The following GRM7 variants were observed in gnomAD, a reference collection of about 807,000 sequenced individuals.
The protein encoded by GRM7 is metabotropic glutamate receptor 7.
A neutral mutation model predicts 84.5 loss-of-function variants in GRM7; 35 were observed. The ratio of observed to expected loss-of-function variants is 0.41; its 90% CI spans 0.32 to 0.55. The LOEUF (loss-of-function observed/expected upper bound fraction) is 0.55. GRM7 is among the 20% of genes least tolerant of loss of function. The pLI is 0.19. For missense variants in GRM7, 1,003 were observed against 1,194.6 expected, an observed-to-expected ratio of 0.84 and a Z score of 2.36; for synonymous variants, 487 against 455.1, an observed-to-expected ratio of 1.07 and a Z score of -0.89.
chr3:7,122,371 A>T (rs1043884326), intron 1 of GRM7, among the ~76,000 whole-genome samples: 1 of 152,216 alleles, frequency 6.6e-6, no homozygotes. Flanking sequence ...TTAAATAATG[A>T]TTGAAAATGT....
intron 9 of GRM7, among the ~76,000 whole-genome samples, chr3:7,731,738 C>T (rs1702339407): frequency 6.6e-6 from 1 of 152,180 alleles, no homozygotes; most frequent in South Asian, 2.1e-4. Context: ...AATAACACCA[C>T]AATTGTAGAC....
At chr3:7,636,524 A>C (rs1176588180) in intron 8 of GRM7, 3 of 221,426 alleles carry the variant, frequency 1.4e-5, no homozygotes, top group Non-Finnish European at 2.8e-5. Flanking sequence ...ATTAGTCTAC[A>C]TAAGGAAAGT....
chr3:7,490,045 A>T (rs1699464799), intron 7 of GRM7, among the ~76,000 whole-genome samples: 1 of 152,018 alleles, frequency 6.6e-6, no homozygotes, highest in Admixed American at 6.6e-5. Context: ...AATCCATCCT[A>T]ACTAAAAATT....
At chr3:7,415,396 T>C (rs563554782) in intron 5 of GRM7, among the ~76,000 whole-genome samples, 39 of 152,298 alleles carry the variant, frequency 2.6e-4, no homozygotes, top group African/African-American at 8.9e-4. Flanking sequence ...CAGTGATTCT[T>C]TGAATTCAGA....
intron 1 of GRM7, among the ~76,000 whole-genome samples, chr3:6,889,340 T>C (rs942764973): frequency 3.9e-5 from 6 of 152,106 alleles, no homozygotes; most frequent in Non-Finnish European, 5.9e-5. Context: ...CCAGTTTTCG[T>C]CCATTCAGTA....
intron 8 of GRM7, among the ~76,000 whole-genome samples, chr3:7,633,741 G>A (rs141989689): frequency 1.4e-4 from 21 of 151,950 alleles, no homozygotes; most frequent in Non-Finnish European, 2.5e-4. Context: ...TTCCTTCCCC[G>A]CAATGCATTA....
In GRM7 at chr3:7,449,047, T is replaced by C. The variant is rs148795871; in HGVS notation, c.1175-3560T>C. Reference sequence around the variant, plus strand: ...GAATAGCCTTAAAAAATAAATATAGTAAAATGGTAATGTTAGAATTTAGTT... The same window carrying C: ...GAATAGCCTTAAAAAATAAATATAGCAAAATGGTAATGTTAGAATTTAGTT... On this transcript the variant is annotated intron_variant, in intron 5 of 9. Transcript: ENST00000357716. Among the ~76,000 whole-genome samples, 973 of 152,172 alleles carry C rather than the reference T, an allele frequency of 6.4e-3. 7 individuals are homozygous for C. The highest frequency in any genetic ancestry group is 0.012 in the Non-Finnish European group (803 of 67,970).
chr3:7,398,886 C>T (rs577896347), intron 4 of GRM7, among the ~76,000 whole-genome samples: 3 of 152,160 alleles, frequency 2.0e-5, no homozygotes, highest in Non-Finnish European at 4.4e-5. Context: ...ACCTTCCTCC[C>T]TCTTTCTACT....
chr3:7,031,281 T>G lies in GRM7; in HGVS notation c.520-115171T>G, dbSNP rs1027809300. Among the ~76,000 whole-genome samples the G allele has an allele frequency of 3.0e-4, 46 of 152,164 alleles. 1 individual carries two copies. The highest frequency in any genetic ancestry group is 4.9e-4 in the Non-Finnish European group (33 of 68,018). The stretch of plus-strand genomic sequence containing the variant: ...CACACCTAAAATTCCCTTGAAATGC[T>G]CTTTTGTGGGCTTAGGATGCATTTC... On this transcript the variant is annotated intron_variant, in intron 1 of 9. Coordinates refer to ENST00000357716, the MANE Select transcript of GRM7 (RefSeq NM_000844.4).
At chr3:7,239,826 A>G (rs970990857) in intron 2 of GRM7, among the ~76,000 whole-genome samples, 1 of 152,156 alleles carries the variant, frequency 6.6e-6, no homozygotes. Context: ...TTTTCTATCA[A>G]GGCTTTGATT....
intron 4 of GRM7, among the ~76,000 whole-genome samples, chr3:7,321,753 T>C (rs180711018): frequency 0.013 from 1,940 of 150,118 alleles, 49 homozygotes; most frequent in African/African-American, 0.042. Context: ...GTCTGATGTT[T>C]TAAAAAAAGT....
intron 7 of GRM7, among the ~76,000 whole-genome samples, chr3:7,485,320 G>A (rs1323461286): frequency 6.6e-6 from 1 of 152,118 alleles, no homozygotes; most frequent in Non-Finnish European, 1.5e-5. Flanking sequence ...ACACTCAGGA[G>A]AATTAGAGCT....
chr3:7,044,358 G>A (rs1696729722), intron 1 of GRM7, among the ~76,000 whole-genome samples: 2 of 152,114 alleles, frequency 1.3e-5, no homozygotes, highest in South Asian at 2.1e-4. Context: ...TTAAAAATAT[G>A]GATTGAAGGA....
chr3:6,862,505 G>T lies in GRM7; in HGVS notation c.519+598G>T, dbSNP rs1025558477. ...GCCAGCCTCCGCGAGAGCCCAGGGC[G>T]CGAGGTGCTGGGACCTTCCTCAGGT... is the stretch of plus-strand genomic sequence containing the variant. On this transcript the variant is annotated intron_variant, in intron 1 of 9. Transcript: ENST00000357716. This position sits in a 1 kb window ranked among gnomAD's most constrained non-coding sequence, Gnocchi z 5.2. Among the ~76,000 whole-genome samples, 1 of 152,186 alleles carries T rather than the reference G, an allele frequency of 6.6e-6. No homozygotes were observed. The highest frequency in any genetic ancestry group is 1.5e-5 in the Non-Finnish European group (1 of 68,044).
intron 1 of GRM7, among the ~76,000 whole-genome samples, chr3:7,070,597 T>C (rs1471272973): frequency 6.6e-6 from 1 of 151,996 alleles, no homozygotes; most frequent in Non-Finnish European, 1.5e-5. Flanking sequence ...CGGATGACAA[T>C]TTTTTTTAAA....
chr3:7,318,229 A>T (rs565242166), intron 4 of GRM7, among the ~76,000 whole-genome samples: 1 of 151,922 alleles, frequency 6.6e-6, no homozygotes, highest in East Asian at 1.9e-4. Flanking sequence ...ACAAGAAAAC[A>T]GTTTTTATCT....
At chr3:7,648,223 A>G (rs1197610825) in intron 8 of GRM7, among the ~76,000 whole-genome samples, 1 of 150,838 alleles carries the variant, frequency 6.6e-6, no homozygotes, top group Non-Finnish European at 1.5e-5. Flanking sequence ...TAATATGGCT[A>G]TTATTTTAAT....
chr3:7,287,009 C>T (rs1285470899), intron 2 of GRM7, among the ~76,000 whole-genome samples: 3 of 152,196 alleles, frequency 2.0e-5, no homozygotes, highest in East Asian at 3.9e-4. Flanking sequence ...ATTACTTGGG[C>T]GATGGCTGGA....
chr3:6,887,829 T>C (rs534519107), intron 1 of GRM7, among the ~76,000 whole-genome samples: 1 of 152,380 alleles, frequency 6.6e-6, no homozygotes, highest in South Asian at 2.1e-4. Context: ...ATGGTTGAAC[T>C]AATTTATACT....
Sources: allele counts gnomAD v4.1 joint callset (sites outside exome capture counted in the v4.1 genomes callset), GRCh38; gene constraint gnomAD v4.1.1; non-coding constraint Gnocchi (gnomAD v3.1); transcripts MANE v1.5; gene names NCBI Gene and HGNC (gene_info 2026-07-23, HGNC 2026-07-21).